The following CNTNAP2 variants were observed in gnomAD, a reference collection of about 807,000 sequenced individuals.
The protein encoded by CNTNAP2 is contactin-associated protein-like 2.
CNTNAP2 carries 98 observed loss-of-function variants against 155.2 expected under a neutral mutation model. That is an observed-to-expected ratio of 0.63 (90% CI 0.54 to 0.75). The LOEUF (loss-of-function observed/expected upper bound fraction) is 0.75, where lower values mean the gene tolerates loss of function less well. Ranked by LOEUF, CNTNAP2 falls within the 30% of genes least tolerant of loss-of-function variation. The pLI is 0.00. For synonymous variants in CNTNAP2, 651 were observed against 631.2 expected (o/e 1.03, Z -0.47); for missense variants, 1,727 against 1,688.1 (o/e 1.02, Z -0.40).
chr7:146,344,687 C>G (rs1794793470), intron 1 of CNTNAP2, among the ~76,000 whole-genome samples: 1 of 152,098 alleles, frequency 6.6e-6, no homozygotes, highest in Non-Finnish European at 1.5e-5. Flanking sequence ...CCATGTTGGG[C>G]AGGCTGGTCT....
chr7:147,274,808 CTTACA>C lies in CNTNAP2; in HGVS notation c.1349-25330_1349-25326del, dbSNP rs369820051. On this transcript the variant is annotated intron_variant, in intron 8 of 23. Coordinates refer to ENST00000361727, the MANE Select transcript of CNTNAP2 (RefSeq NM_014141.6). The stretch of plus-strand genomic sequence containing the variant: ...TCATGTTTTTTTAATAGTTTCAGGT[CTTACA>C]TTCAAGTTTTTAATCTATCTTGTGA... 9.9e-3 allele frequency among the ~76,000 whole-genome samples: 1,499 copies of C among 151,944 alleles called. 17 individuals are homozygous for C. Among genetic ancestry groups the C allele is most frequent in the Non-Finnish European group, 0.016 (1,071 of 67,920 alleles).
At chr7:146,283,877 G>C (rs535501379) in intron 1 of CNTNAP2, among the ~76,000 whole-genome samples, 1 of 152,108 alleles carries the variant, frequency 6.6e-6, no homozygotes, top group African/African-American at 2.4e-5. Context: ...AAAATGAAAG[G>C]TGGCTAAAGA....
chr7:147,707,889 G>A (rs1029959782), intron 13 of CNTNAP2, among the ~76,000 whole-genome samples: 1 of 152,206 alleles, frequency 6.6e-6, no homozygotes, highest in Non-Finnish European at 1.5e-5. Context: ...GAGCTGGGCA[G>A]GCGTGAACTC....
intron 13 of CNTNAP2, among the ~76,000 whole-genome samples, chr7:147,704,735 T>G (rs1407625290): frequency 1.3e-5 from 2 of 151,718 alleles, no homozygotes; most frequent in African/African-American, 4.8e-5. Context: ...GGGAGACTTT[T>G]TTTACTGATT....
At chr7:147,278,643 G>A (rs975438930) in intron 8 of CNTNAP2, among the ~76,000 whole-genome samples, 7 of 151,484 alleles carry the variant, frequency 4.6e-5, no homozygotes, top group African/African-American at 1.7e-4. Flanking sequence ...AGTACATTTT[G>A]TGAAGTTTTA....
chr7:148,077,028 C>T (rs541518419), intron 15 of CNTNAP2, among the ~76,000 whole-genome samples: 1 of 151,534 alleles, frequency 6.6e-6, no homozygotes, highest in South Asian at 2.2e-4. Context: ...TATATACAGG[C>T]GGGGCATGGT....
intron 21 of CNTNAP2, among the ~76,000 whole-genome samples, chr7:148,354,168 G>A (rs79156578): frequency 0.012 from 1,645 of 140,882 alleles, 51 homozygotes; most frequent in East Asian, 0.072. Context: ...TGAGAAATAC[G>A]AAACGATTAA....
chr7:148,179,816 G>C lies in CNTNAP2; in HGVS notation c.3010+7338G>C, dbSNP rs549174278. Among the ~76,000 whole-genome samples the C allele has an allele frequency of 1.8e-4, 27 of 152,106 alleles. No homozygotes were observed. The South Asian group carries it at 5.0e-3, about 28-fold the overall frequency. ...GGTCCCAGACTCCTTTTTGCTCCAA[G>C]AGACCTCAGGCTCAAGTCCACGTTA... is the stretch of plus-strand genomic sequence containing the variant. On this transcript the variant is annotated intron_variant, in intron 18 of 23. Transcript: ENST00000361727.
chr7:146,926,281 A>G (rs1462284555), intron 3 of CNTNAP2, among the ~76,000 whole-genome samples: 1 of 151,990 alleles, frequency 6.6e-6, no homozygotes, highest in Admixed American at 6.6e-5. Context: ...TTCATTGACA[A>G]TATAACAAAA....
intron 3 of CNTNAP2, among the ~76,000 whole-genome samples, chr7:147,027,505 G>C (rs370391743): frequency 6.6e-6 from 1 of 152,324 alleles, no homozygotes; most frequent in South Asian, 2.1e-4. Flanking sequence ...ACAAAACATA[G>C]GGTGATAATT....
chr7:146,820,942 C>T (rs1243662523), intron 2 of CNTNAP2, among the ~76,000 whole-genome samples: 1 of 151,998 alleles, frequency 6.6e-6, no homozygotes, highest in Non-Finnish European at 1.5e-5. Context: ...CTCTTTTGAT[C>T]TTTGTTGGTT....
intron 15 of CNTNAP2, among the ~76,000 whole-genome samples, chr7:147,996,000 A>T (rs192075765): frequency 4.6e-4 from 70 of 152,316 alleles, no homozygotes; most frequent in African/African-American, 1.4e-3. Flanking sequence ...TTTAAAAGAG[A>T]GACAATAAAC....
intron 2 of CNTNAP2, chr7:146,782,198 C>A (rs774792588): frequency 1.3e-5 from 2 of 152,148 alleles, no homozygotes; most frequent in South Asian, 2.1e-4. Context: ...TTCTCCTTTT[C>A]TCACTCACAG....
intron 13 of CNTNAP2, among the ~76,000 whole-genome samples, chr7:147,652,352 C>G (rs531840863): frequency 6.6e-6 from 1 of 152,240 alleles, no homozygotes; most frequent in African/African-American, 2.4e-5. Context: ...TATTTTTTCT[C>G]TCTTGGTATT....
chr7:146,685,923 C>G (rs915769269), intron 1 of CNTNAP2, among the ~76,000 whole-genome samples: 2 of 152,096 alleles, frequency 1.3e-5, no homozygotes, highest in African/African-American at 4.8e-5. Flanking sequence ...AGTATTGATA[C>G]TAGCAAATGT....
At chr7:148,302,300 A>T (rs925649341) in intron 21 of CNTNAP2, among the ~76,000 whole-genome samples, 1 of 152,240 alleles carries the variant, frequency 6.6e-6, no homozygotes, top group Non-Finnish European at 1.5e-5. Flanking sequence ...AAAAGTTTAG[A>T]TGTACATTAA....
chr7:146,469,839 AT>A (rs55827136), intron 1 of CNTNAP2, among the ~76,000 whole-genome samples: 2,137 of 85,384 alleles, frequency 0.025, 26 homozygotes, highest in African/African-American at 0.067. Context: ...CTTAATTGAC[AT>A]TTTTTTTTTT....
intron 13 of CNTNAP2, among the ~76,000 whole-genome samples, chr7:147,644,126 G>A (rs1795327760): frequency 6.6e-6 from 1 of 152,128 alleles, no homozygotes; most frequent in African/African-American, 2.4e-5. Context: ...ACGTAGAAAA[G>A]CCTGCTTAGA....
chr7:146,509,178 C>T (rs1797430432), intron 1 of CNTNAP2, among the ~76,000 whole-genome samples: 1 of 152,212 alleles, frequency 6.6e-6, no homozygotes, highest in African/African-American at 2.4e-5. Flanking sequence ...ACCTGCACCA[C>T]ATCTGTTTAT....
Sources: allele counts gnomAD v4.1 joint callset (sites outside exome capture counted in the v4.1 genomes callset), GRCh38; gene constraint gnomAD v4.1.1; transcripts MANE v1.5; gene names NCBI Gene and HGNC (gene_info 2026-07-23, HGNC 2026-07-21).